The following TRIOBP variants were observed in gnomAD, a reference collection of about 807,000 sequenced individuals.
TRIOBP encodes the protein TRIO and F-actin binding protein, also known as TRIO and F-actin-binding protein.
Under a neutral mutation model 238.8 loss-of-function variants are expected in TRIOBP, and 169 were observed. The observed-to-expected ratio is 0.71, with a 90% CI of 0.62 to 0.80. TRIOBP has a LOEUF of 0.80. Among genes scored for constraint, TRIOBP ranks in the 30% least tolerant of loss-of-function variants. The pLI is 0.00. For missense variants in TRIOBP, 2,838 were observed against 3,122.6 expected (o/e 0.91, Z 2.17); for synonymous variants, 1,150 against 1,274.4 (o/e 0.90, Z 2.08).
intron 18 of TRIOBP, among the ~76,000 whole-genome samples, chr22:37,767,019 G>A (rs543428868): frequency 6.6e-6 from 1 of 151,862 alleles, no homozygotes; most frequent in Admixed American, 6.6e-5. Context: ...TTGGGAGGCC[G>A]AGGCAGGTGC....
At chr22:37,699,867 CATTTATTTATTT>C (rs894595367) in intron 2 of TRIOBP, among the ~76,000 whole-genome samples, 1 of 150,844 alleles carries the variant, frequency 6.6e-6, no homozygotes, top group African/African-American at 2.4e-5. Flanking sequence ...TTTTCATTTT[CATTTATTTATTT>C]ATTTATTTAT....
intron 12 of TRIOBP, among the ~76,000 whole-genome samples, chr22:37,752,091 A>T (rs1286825871): frequency 6.6e-6 from 1 of 152,078 alleles, no homozygotes; most frequent in Non-Finnish European, 1.5e-5. Context: ...CTGCCACCTC[A>T]GTAGGAGCCT....
Position 37,724,997 on chromosome 22 carries a change from AC to A in TRIOBP, c.2445del (p.Arg816GlufsTer63). The A allele has an allele frequency of 2.5e-6, 4 of 1,613,980 alleles. No homozygotes were observed. The highest frequency in any genetic ancestry group is 3.4e-6 in the Non-Finnish European group (4 of 1,179,922). On this transcript the variant is annotated frameshift_variant, in exon 7 of 24. Coordinates refer to ENST00000644935, the MANE Select transcript of TRIOBP (RefSeq NM_001039141.3). LOFTEE classifies it high-confidence loss of function. ...SSPIRATQQD[N>X]PRTCIQQNIP... is the part of the protein sequence containing the mutation. Reference sequence around the variant, plus strand: ...CCCATCAGAGCCACCCAACAGGACAACCCCAGAACTTGTATTCAACAGAACA... The same window carrying A: ...CCCATCAGAGCCACCCAACAGGACAACCCAGAACTTGTATTCAACAGAACA...
rs115179557 is a variant in TRIOBP, at chr22:37,736,999, G to C, written c.5106+1557G>C. 5.3e-3 allele frequency among the ~76,000 whole-genome samples: 804 copies of C among 152,312 alleles called. 7 individuals carry two copies. The highest frequency in any genetic ancestry group is 0.019 in the African/African-American group (773 of 41,548). On this transcript the variant is annotated intron_variant, in intron 9 of 23. Coordinates refer to ENST00000644935, the MANE Select transcript of TRIOBP (RefSeq NM_001039141.3). ...GGAGGACTGGAGAACCCTCTCCCCT[G>C]TATTTCCCTGTGGCTTTGATGAGTT...
chr22:37,768,999 T>G (rs1292840777), intron 19 of TRIOBP, 29 bp from the exon 20 acceptor site: 1 of 1,612,692 alleles, frequency 6.2e-7, no homozygotes, highest in African/African-American at 1.3e-5. Flanking sequence ...AGACAACCTA[T>G]GCTCTCCTCT....
In TRIOBP at chr22:37,733,350, C is replaced by T. The variant is rs1468220524; in HGVS notation, c.4000C>T (p.Gln1334Ter). 1 of 1,551,522 alleles carries T rather than the reference C, an allele frequency of 6.4e-7. No homozygotes were observed. The highest frequency in any genetic ancestry group is 8.7e-7 in the Non-Finnish European group (1 of 1,147,440). ...FQAQDEGRSQ[Q>*]PSQGQSQLLR... ...GGCCCAGGACGAGGGACGGTCACAG[C>T]AGCCCAGCCAAGGCCAGAGCCAACT... Residue 1334 changes from glutamine (Q) to a stop codon, truncating the protein, a stop_gained, in exon 8 of 24, where the codon CAG (glutamine) becomes TAG (stop). Coordinates refer to ENST00000644935, the MANE Select transcript of TRIOBP (RefSeq NM_001039141.3). LOFTEE classifies it high-confidence loss of function.
chr22:37,721,165 G>A (rs1175987300), intron 6 of TRIOBP, among the ~76,000 whole-genome samples: 1 of 151,626 alleles, frequency 6.6e-6, no homozygotes, highest in East Asian at 1.9e-4. Context: ...CACTGCTCCC[G>A]GCTGCATCCA....
At chr22:37,738,402 T>C (rs1017929628) in intron 9 of TRIOBP, among the ~76,000 whole-genome samples, 1 of 152,000 alleles carries the variant, frequency 6.6e-6, no homozygotes, top group Non-Finnish European at 1.5e-5. Flanking sequence ...GGTAAATGGA[T>C]ATGTGATGGA....
chr22:37,728,802 G>C (rs1239319467), intron 7 of TRIOBP, among the ~76,000 whole-genome samples: 3 of 152,194 alleles, frequency 2.0e-5, no homozygotes, highest in Non-Finnish European at 4.4e-5. Context: ...ATCACCCAAA[G>C]TTTAGGGTTC....
In TRIOBP at chr22:37,725,721, G is replaced by T. The variant is rs762917191; in HGVS notation, c.3165G>T (p.Glu1055Asp). 1.2e-6 allele frequency: 2 copies of T among 1,611,378 alleles called. No individual in the cohort carries two copies. The highest frequency in any genetic ancestry group is 1.4e-5 in the African/African-American group (1 of 74,042). ...RAPESEPPHHEPPYIPPAVCI... is the reference protein window; with the variant it reads ...RAPESEPPHHDPPYIPPAVCI... Reference sequence around the variant, plus strand: ...CTGAGAGTGAACCGCCCCACCACGAGCCTCCCTATATACCACCTGCTGTGT... The same window carrying T: ...CTGAGAGTGAACCGCCCCACCACGATCCTCCCTATATACCACCTGCTGTGT... Residue 1055 changes from glutamate (E) to aspartate (D), a missense_variant, in exon 7 of 24, where the codon GAG (glutamate) becomes GAT (aspartate). Coordinates refer to ENST00000644935, the MANE Select transcript of TRIOBP (RefSeq NM_001039141.3).
chr22:37,734,985 G>C lies in TRIOBP; in HGVS notation c.4649G>C (p.Gly1550Ala). Residue 1550 changes from glycine to alanine, a missense_variant, in exon 9 of 24, where the codon GGC becomes GCC. This residue lies in a region of TRIOBP where 2,096 missense variants were observed against 2,137.4 expected (regional missense o/e 0.98). Transcript: ENST00000644935. Reference sequence around the variant, plus strand: ...GAGGGAGCGTGTCCATACCCGCGTGGCTCTGAGAGGCGACCCGAGCTTGAC... The same window carrying C: ...GAGGGAGCGTGTCCATACCCGCGTGCCTCTGAGAGGCGACCCGAGCTTGAC... ...GAEGACPYPR[G>A]SERRPELDWR... 6.2e-7 allele frequency: 1 copy of C among 1,613,384 alleles called. No homozygotes were observed. The highest frequency in any genetic ancestry group is 8.5e-7 in the Non-Finnish European group (1 of 1,179,902).
At chr22:37,711,634 A>G (rs892196154) in intron 4 of TRIOBP, among the ~76,000 whole-genome samples, 1 of 151,648 alleles carries the variant, frequency 6.6e-6, no homozygotes, top group Non-Finnish European at 1.5e-5. Flanking sequence ...AAAAAAACGA[A>G]AAAAAAAACA....
chr22:37,750,658 TG>T, intron 11 of TRIOBP: 2 of 471,116 alleles, frequency 4.2e-6, no homozygotes, highest in South Asian at 3.1e-5. Flanking sequence ...AGGGAGGGGC[TG>T]GGATGCCAAC....
intron 11 of TRIOBP, among the ~76,000 whole-genome samples, chr22:37,741,411 G>A (rs996913702): frequency 6.6e-6 from 1 of 152,204 alleles, no homozygotes. Flanking sequence ...TCAGACCTGG[G>A]CCTGAGCCAG....
intron 11 of TRIOBP, among the ~76,000 whole-genome samples, chr22:37,744,583 T>G (rs920918685): frequency 6.6e-6 from 1 of 152,064 alleles, no homozygotes; most frequent in Non-Finnish European, 1.5e-5. Flanking sequence ...AGGAGGCTGG[T>G]GCTGTTAGGT....
rs915936765 is a variant in TRIOBP at position 37,738,505 on chromosome 22, G to A, written c.5107-137G>A. 16 of 797,500 alleles carry A rather than the reference G, an allele frequency of 2.0e-5. No individual in the cohort carries two copies. The African/African-American group carries it at 2.0e-4, about 10-fold the overall frequency. The allele number at this position is 797,500 out of a possible 1,614,324, so 49.4% of individuals were successfully genotyped here. ...TGTGATAGACACTGGATGGTTGGAT[G>A]GATACATGGATCTACTGATGCTGGA... On this transcript the variant is annotated intron_variant, in intron 9 of 23. Transcript: ENST00000644935.
chr22:37,703,385 G>GA (rs1922760629), intron 3 of TRIOBP, among the ~76,000 whole-genome samples: 1 of 151,948 alleles, frequency 6.6e-6, no homozygotes, highest in African/African-American at 2.4e-5. Context: ...CCCCATGCAT[G>GA]TAAACACAGA....
At chr22:37,771,381 G>A (rs1926765233) in intron 21 of TRIOBP, among the ~76,000 whole-genome samples, 1 of 152,182 alleles carries the variant, frequency 6.6e-6, no homozygotes, top group Non-Finnish European at 1.5e-5. Context: ...CCCGAGGTGA[G>A]AGCCTGGTGC....
intron 17 of TRIOBP, among the ~76,000 whole-genome samples, chr22:37,762,099 C>A (rs1258199746): frequency 6.6e-6 from 1 of 152,060 alleles, no homozygotes; most frequent in Non-Finnish European, 1.5e-5. Context: ...GAGATGAGGT[C>A]TTTTACTGTC....
Sources: allele counts gnomAD v4.1 joint callset (sites outside exome capture counted in the v4.1 genomes callset), GRCh38; gene constraint gnomAD v4.1.1; regional missense constraint gnomAD v4.1.1; transcripts MANE v1.5; gene names NCBI Gene and HGNC (gene_info 2026-07-23, HGNC 2026-07-21).